RALB: variants seen among roughly 807,000 people sequenced by gnomAD.
RALB encodes RAS like proto-oncogene B, also known as ras-related protein Ral-B.
In RALB, 16 loss-of-function variants were observed where a neutral mutation model predicts 21.3. The observed-to-expected ratio is 0.75, with a 90% CI of 0.51 to 1.14. The LOEUF (loss-of-function observed/expected upper bound fraction) is 1.14, where lower values mean the gene tolerates loss of function less well. Ranked by LOEUF, RALB falls within the 50% of genes most tolerant of loss-of-function variation. The pLI, the probability that RALB is intolerant of heterozygous loss-of-function variation, is 0.00. For synonymous variants in RALB, 93 were observed against 96.1 expected (o/e 0.97, Z 0.19); for missense variants, 161 against 256.2 (o/e 0.63, Z 2.54).
intron 2 of RALB, among the ~76,000 whole-genome samples, chr2:120,284,203 C>G (rs754283800): frequency 6.6e-6 from 1 of 152,278 alleles, no homozygotes; most frequent in Non-Finnish European, 1.5e-5. Context: ...TGAAGAGAAC[C>G]TAATACTAAA....
At chr2:120,289,479 T>TC in intron 3 of RALB, 101 bp from the exon 4 acceptor site, 4 of 1,234,784 alleles carry the variant, frequency 3.2e-6, no homozygotes, top group Non-Finnish European at 3.5e-6. Flanking sequence ...TTTTTTTTTT[T>TC]CCTTCTGCCT....
chr2:120,291,302 C>T (rs17050073), intron 4 of RALB, among the ~76,000 whole-genome samples: 36,245 of 152,110 alleles, frequency 0.24, 6,734 homozygotes, highest in African/African-American at 0.53. Context: ...GCGTGTTCCG[C>T]CGTCAGCTTT....
At chr2:120,263,777 G>A (rs904265648) in intron 1 of RALB, among the ~76,000 whole-genome samples, 1 of 151,986 alleles carries the variant, frequency 6.6e-6, no homozygotes, top group Non-Finnish European at 1.5e-5. Flanking sequence ...CATTCCGCCC[G>A]CCTCAGCCTC....
intron 1 of RALB, among the ~76,000 whole-genome samples, chr2:120,268,769 T>C (rs1353569615): frequency 1.3e-5 from 2 of 152,230 alleles, no homozygotes; most frequent in South Asian, 2.1e-4. Context: ...AAAAACTTTT[T>C]TTAAAGCGGA....
chr2:120,288,341 A>ATTTTTTTTT (rs1690217441), intron 3 of RALB, among the ~76,000 whole-genome samples: 2 of 58,886 alleles, frequency 3.4e-5, no homozygotes, highest in South Asian at 5.0e-4. Context: ...TGAAAATTTT[A>ATTTTTTTTT]GTTTTTTTTT....
intron 1 of RALB, among the ~76,000 whole-genome samples, chr2:120,270,101 G>C (rs1212404260): frequency 6.6e-6 from 1 of 152,118 alleles, no homozygotes; most frequent in Non-Finnish European, 1.5e-5. Flanking sequence ...TTACTGCTTT[G>C]CAGGGGCTTT....
chr2:120,269,015 C>T (rs1008957378), intron 1 of RALB, among the ~76,000 whole-genome samples: 1 of 152,048 alleles, frequency 6.6e-6, no homozygotes, highest in South Asian at 2.1e-4. Flanking sequence ...CATTTTGTAC[C>T]TCCTCCTAAA....
chr2:120,277,095 A>G (rs1412789190), intron 1 of RALB, among the ~76,000 whole-genome samples: 1 of 152,138 alleles, frequency 6.6e-6, no homozygotes, highest in African/African-American at 2.4e-5. Context: ...TACTCATTTT[A>G]TCTTCCTTCT....
chr2:120,259,799 G>A (rs1443867082), intron 1 of RALB, among the ~76,000 whole-genome samples: 3 of 152,260 alleles, frequency 2.0e-5, no homozygotes, highest in African/African-American at 4.8e-5. Context: ...CGTGGAGCAG[G>A]GGGTGGCGCT....
At position 120,276,049 on chromosome 2, in the gene RALB, C is replaced by T. The variant is rs529516183; in HGVS notation, c.-47-2569C>T. ...CATGACTCTCTGGCAGCACCCACCA[C>T]AGTCTTTTATTATGCAGGCGAGTCC... On this transcript the variant is annotated intron_variant, in intron 1 of 4. Transcript: ENST00000272519. Among the ~76,000 whole-genome samples, 45 of 152,334 alleles carry T rather than the reference C, an allele frequency of 3.0e-4. No homozygotes were observed. In the South Asian group the frequency reaches 9.3e-3, roughly 32 times the overall value.
At chr2:120,250,495 A>G (rs144052870), upstream of RALB, among the ~76,000 whole-genome samples, 1 of 152,350 alleles carries the variant, frequency 6.6e-6, no homozygotes, top group East Asian at 1.9e-4. Context: ...CTACAGGGCT[A>G]GGAAGTTTCC....
At chr2:120,265,847 G>C (rs559777732) in intron 1 of RALB, among the ~76,000 whole-genome samples, 1 of 152,372 alleles carries the variant, frequency 6.6e-6, no homozygotes, top group East Asian at 1.9e-4. Flanking sequence ...AATAATTCAG[G>C]ATAGGGACAT....
chr2:120,278,239 G>A (rs1003236444), intron 1 of RALB, among the ~76,000 whole-genome samples: 2 of 152,162 alleles, frequency 1.3e-5, no homozygotes, highest in South Asian at 2.1e-4. Flanking sequence ...GTCCCAAGCT[G>A]TTCTCCGCGG....
intron 1 of RALB, among the ~76,000 whole-genome samples, chr2:120,245,603 C>T (rs1352417223): frequency 6.6e-6 from 1 of 152,182 alleles, no homozygotes; most frequent in East Asian, 1.9e-4. Context: ...CCTGCAGGAA[C>T]CAGGAGGCCT....
chr2:120,274,715 C>T (rs532731429), intron 1 of RALB, among the ~76,000 whole-genome samples: 6 of 152,162 alleles, frequency 3.9e-5, no homozygotes, highest in South Asian at 2.1e-4. Flanking sequence ...CTATGAGCAT[C>T]GTTACTTTTA....
chr2:120,287,649 A>G (rs557180111), intron 3 of RALB, among the ~76,000 whole-genome samples: 24 of 152,360 alleles, frequency 1.6e-4, no homozygotes, highest in Non-Finnish European at 3.1e-4. Flanking sequence ...AGGTATTTCA[A>G]GTGCTCCTTG....
chr2:120,270,194 T>C (rs936970034), intron 1 of RALB, among the ~76,000 whole-genome samples: 1 of 152,256 alleles, frequency 6.6e-6, no homozygotes, highest in Non-Finnish European at 1.5e-5. Flanking sequence ...CTTATAATTC[T>C]CCTTTGCTTT....
At chr2:120,266,417 A>G (rs934014927) in intron 1 of RALB, among the ~76,000 whole-genome samples, 3 of 152,096 alleles carry the variant, frequency 2.0e-5, no homozygotes, top group African/African-American at 7.2e-5. Flanking sequence ...GCTAATTTTT[A>G]TATTTTTAGT....
chr2:120,277,900 CGTGT>C (rs149127110), intron 1 of RALB, among the ~76,000 whole-genome samples: 1 of 148,278 alleles, frequency 6.7e-6, no homozygotes, highest in African/African-American at 2.5e-5. Context: ...TGAGTGTGAG[CGTGT>C]GTGTGAATGT....
Sources: allele counts gnomAD v4.1 joint callset (sites outside exome capture counted in the v4.1 genomes callset), GRCh38; gene constraint gnomAD v4.1.1; transcripts MANE v1.5; gene names NCBI Gene and HGNC (gene_info 2026-07-23, HGNC 2026-07-21).